Variants in PRKCE observed in about 807,000 individuals in gnomAD.
PRKCE encodes protein kinase C epsilon.
In PRKCE, 16 loss-of-function variants were observed where a neutral mutation model predicts 85.4. The ratio of observed to expected loss-of-function variants is 0.19; its 90% CI spans 0.13 to 0.28. PRKCE has a LOEUF of 0.28. Among genes scored for constraint, PRKCE ranks in the 10% least tolerant of loss-of-function variants. The probability of loss-of-function intolerance (pLI) is 1.00; values close to 1 mark genes in which losing one functional copy is unlikely to be tolerated. For synonymous variants in PRKCE, 388 were observed against 371.5 expected (o/e 1.04, Z -0.51); for missense variants, 573 against 975.2 (o/e 0.59, Z 5.49).
At position 45,677,419 on chromosome 2, in the gene PRKCE, C is replaced by T. The variant is rs1301756145; in HGVS notation, c.348+24971C>T. 6.2e-5 allele frequency among the ~76,000 whole-genome samples: 9 copies of T among 145,178 alleles called. No individual in the cohort carries two copies. In the East Asian group the frequency reaches 1.7e-3, roughly 27 times the overall value. On this transcript the variant is annotated intron_variant, in intron 1 of 14. Coordinates refer to ENST00000306156, the MANE Select transcript of PRKCE (RefSeq NM_005400.3). ...GGCCGGACTGCGGACTGCAGTGGCG[C>T]AATCTCAGCTCACTGCAAGCTCCGC... is the stretch of plus-strand genomic sequence containing the variant.
chr2:45,842,414 C>A (rs1691429243), intron 1 of PRKCE, among the ~76,000 whole-genome samples: 1 of 152,150 alleles, frequency 6.6e-6, no homozygotes, highest in Non-Finnish European at 1.5e-5. Context: ...ATGATAAACG[C>A]CATAAAAGCA....
At chr2:46,007,136 G>C (rs544961257) in intron 8 of PRKCE, among the ~76,000 whole-genome samples, 2 of 152,194 alleles carry the variant, frequency 1.3e-5, no homozygotes, top group African/African-American at 4.8e-5. Flanking sequence ...AGATTTGTGT[G>C]CTTTACCTAG....
intron 14 of PRKCE, among the ~76,000 whole-genome samples, chr2:46,165,135 T>C (rs1416458955): frequency 6.6e-6 from 1 of 152,226 alleles, no homozygotes; most frequent in African/African-American, 2.4e-5. Flanking sequence ...GTTTCCTGAC[T>C]ACAGGCCAAC....
chr2:45,688,912 C>T (rs187353362), intron 1 of PRKCE, among the ~76,000 whole-genome samples: 16 of 152,302 alleles, frequency 1.1e-4, no homozygotes, highest in African/African-American at 3.1e-4. Context: ...AGGCACAAAT[C>T]GTTGGTTGCT....
chr2:45,691,497 G>C (rs1000603413), intron 1 of PRKCE, among the ~76,000 whole-genome samples: 3 of 152,172 alleles, frequency 2.0e-5, no homozygotes, highest in Admixed American at 6.5e-5. Context: ...AAAGAGAAAA[G>C]AGAATAACTA....
intron 1 of PRKCE, among the ~76,000 whole-genome samples, chr2:45,663,076 T>G (rs1229774967): frequency 6.6e-6 from 1 of 152,202 alleles, no homozygotes; most frequent in Non-Finnish European, 1.5e-5. Context: ...CAGGTCTCTG[T>G]GATCAAAGAG....
chr2:45,808,193 C>A (rs1327642690), intron 1 of PRKCE, among the ~76,000 whole-genome samples: 2 of 152,104 alleles, frequency 1.3e-5, no homozygotes, highest in African/African-American at 2.4e-5. Context: ...GTCTGGTTGG[C>A]AAGCACCAAC....
intron 1 of PRKCE, among the ~76,000 whole-genome samples, chr2:45,763,119 TA>T (rs1477683446): frequency 2.0e-5 from 3 of 152,134 alleles, no homozygotes; most frequent in African/African-American, 7.2e-5. Context: ...CACACCCGGC[TA>T]ATTTTTTGTA....
chr2:45,877,232 C>T (rs1694546966), intron 2 of PRKCE, among the ~76,000 whole-genome samples: 1 of 152,010 alleles, frequency 6.6e-6, no homozygotes, highest in Non-Finnish European at 1.5e-5. Context: ...AAGATAAGGT[C>T]CCCTCACCCC....
At chr2:46,083,743 T>C (rs967607040) in intron 10 of PRKCE, among the ~76,000 whole-genome samples, 2 of 152,120 alleles carry the variant, frequency 1.3e-5, no homozygotes, top group African/African-American at 2.4e-5. Flanking sequence ...GATATCTGAG[T>C]TGGGGGGCTC....
rs573528464 is a variant in PRKCE at position 45,767,753 on chromosome 2, G to A, written c.349-75247G>A. On this transcript the variant is annotated intron_variant, in intron 1 of 14. Transcript: ENST00000306156. ...GCATGTCCATTGGAAAGACCCATGTGTTGGATTCCTTATTGGATGGTTTTA... is the reference window on the plus strand; with the variant it reads ...GCATGTCCATTGGAAAGACCCATGTATTGGATTCCTTATTGGATGGTTTTA... Among the ~76,000 whole-genome samples, 8 of 152,326 alleles carry A rather than the reference G, an allele frequency of 5.3e-5. No individual in the cohort carries two copies. The South Asian group carries it at 1.7e-3, about 32-fold the overall frequency.
intron 10 of PRKCE, among the ~76,000 whole-genome samples, chr2:46,014,489 T>A (rs1444900371): frequency 1.3e-5 from 2 of 152,190 alleles, no homozygotes; most frequent in Non-Finnish European, 2.9e-5. Flanking sequence ...CCAAAATTTT[T>A]ATATTTAAAA....
chr2:46,152,604 A>C (rs546474362), intron 13 of PRKCE, among the ~76,000 whole-genome samples: 2 of 152,090 alleles, frequency 1.3e-5, no homozygotes, highest in African/African-American at 4.8e-5. Context: ...GCTGGAGTGC[A>C]GTGGCGTGAT....
chr2:46,042,618 A>C (rs1298370529), intron 10 of PRKCE, among the ~76,000 whole-genome samples: 6 of 152,192 alleles, frequency 3.9e-5, no homozygotes, highest in Non-Finnish European at 7.3e-5. Flanking sequence ...TGGTCCTTCT[A>C]CTTAATTTCA....
intron 2 of PRKCE, among the ~76,000 whole-genome samples, chr2:45,853,772 C>G (rs1429495832): frequency 6.6e-6 from 1 of 152,168 alleles, no homozygotes; most frequent in Non-Finnish European, 1.5e-5. Flanking sequence ...CTTTCATATT[C>G]CACTGTACAA....
chr2:46,153,874 C>T (rs1676911931), intron 13 of PRKCE, among the ~76,000 whole-genome samples: 1 of 151,328 alleles, frequency 6.6e-6, no homozygotes, highest in African/African-American at 2.4e-5. Context: ...GCAACTTCCG[C>T]CTCCCGGGTT....
intron 1 of PRKCE, among the ~76,000 whole-genome samples, chr2:45,759,243 T>G (rs1047882363): frequency 5.3e-5 from 8 of 152,166 alleles, no homozygotes; most frequent in African/African-American, 1.9e-4. Context: ...AAGTGGTATG[T>G]GGGCTCATGG....
chr2:45,740,077 G>A (rs1179238702), intron 1 of PRKCE, among the ~76,000 whole-genome samples: 2 of 151,664 alleles, frequency 1.3e-5, no homozygotes, highest in African/African-American at 2.4e-5. Context: ...AACTACCTGG[G>A]AGGCTGAGGC....
chr2:46,097,870 G>T (rs67179108), intron 11 of PRKCE, among the ~76,000 whole-genome samples: 20,160 of 152,156 alleles, frequency 0.13, 1,472 homozygotes, highest in Middle Eastern at 0.24. Context: ...ATGACAGTTG[G>T]GGGGTGAAAG....
Sources: allele counts gnomAD v4.1 joint callset (sites outside exome capture counted in the v4.1 genomes callset), GRCh38; gene constraint gnomAD v4.1.1; transcripts MANE v1.5; gene names NCBI Gene and HGNC (gene_info 2026-07-23, HGNC 2026-07-21).